Variants in RORA observed in about 807,000 individuals in gnomAD.
RORA encodes RAR related orphan receptor A.
A neutral mutation model predicts 69.5 loss-of-function variants in RORA; 7 were observed. The ratio of observed to expected loss-of-function variants is 0.10; its 90% CI spans 0.06 to 0.19. RORA has a LOEUF of 0.19. RORA is among the 10% of genes least tolerant of loss of function. The pLI is 1.00. For missense variants in RORA, 457 were observed against 663.0 expected (o/e 0.69, Z 3.41); for synonymous variants, 261 against 240.8 (o/e 1.08, Z -0.78).
intron 1 of RORA, among the ~76,000 whole-genome samples, chr15:60,786,834 G>A (rs2072341347): frequency 6.6e-6 from 1 of 152,254 alleles, no homozygotes; most frequent in African/African-American, 2.4e-5. Context: ...AGCAACAGCT[G>A]TGCGAGTGCA....
chr15:60,823,063 C>T (rs1395185516), intron 1 of RORA, among the ~76,000 whole-genome samples: 1 of 139,668 alleles, frequency 7.2e-6, no homozygotes, highest in African/African-American at 2.7e-5. Flanking sequence ...CCTCCCCTCC[C>T]CTCCCTCCCT....
chr15:61,023,862 A>T (rs1895664038), intron 1 of RORA, among the ~76,000 whole-genome samples: 1 of 152,194 alleles, frequency 6.6e-6, no homozygotes, highest in Non-Finnish European at 1.5e-5. Flanking sequence ...ATCAGTAGAT[A>T]ACTCCCACTA....
At chr15:60,514,821 C>A in intron 3 of RORA, 64 bp from the exon 4 acceptor site, 2 of 1,333,712 alleles carry the variant, frequency 1.5e-6, no homozygotes, top group Non-Finnish European at 1.1e-6. Flanking sequence ...ATACTAAAGG[C>A]AGGATGCTAA....
chr15:60,769,040 T>C (rs2072031554), intron 1 of RORA, among the ~76,000 whole-genome samples: 1 of 152,192 alleles, frequency 6.6e-6, no homozygotes, highest in Non-Finnish European at 1.5e-5. Context: ...AGGCAACTAA[T>C]GCCCTATTCA....
Position 60,991,906 on chromosome 15 carries a change from AAAAAT to A in RORA, c.166+237142_166+237146del, listed in dbSNP as rs60034207. 1.7e-4 allele frequency among the ~76,000 whole-genome samples: 25 copies of A among 148,140 alleles called. No individual in the cohort carries two copies. The South Asian group carries it at 2.0e-3, about 12-fold the overall frequency. On this transcript the variant is annotated intron_variant, in intron 1 of 10. Coordinates refer to ENST00000335670, the MANE Select transcript of RORA (RefSeq NM_134261.3). ...GCGTGACAGAGCGAGACCGTGCCTC[AAAAAT>A]AAAATAAAATAAAATAAAATAAAGT...
chr15:61,207,769 C>T (rs1363273690), intron 1 of RORA, among the ~76,000 whole-genome samples: 3 of 152,218 alleles, frequency 2.0e-5, no homozygotes, highest in African/African-American at 7.2e-5. Context: ...CAGCCAGTGT[C>T]CTTAACTCTT....
intron 2 of RORA, among the ~76,000 whole-genome samples, chr15:60,572,883 C>G (rs942057137): frequency 4.6e-5 from 7 of 152,170 alleles, no homozygotes; most frequent in Admixed American, 6.5e-5. Context: ...ACTAAATTAC[C>G]AAGCATATCT....
Position 60,505,870 on chromosome 15 carries a change from C to T in RORA, c.821-241G>A, listed in dbSNP as rs564125056. On this transcript the variant is annotated intron_variant, in intron 5 of 10. Coordinates refer to ENST00000335670, the MANE Select transcript of RORA (RefSeq NM_134261.3). ...CTGCTGACTTCAAAGACCCTCCTGA[C>T]TTTGCCCTTGTTCTGTGCCTTTATA... is the stretch of plus-strand genomic sequence containing the variant. Among the ~76,000 whole-genome samples, 47 of 152,278 alleles carry T rather than the reference C, an allele frequency of 3.1e-4. No homozygotes were observed. In the South Asian group the frequency reaches 9.5e-3, roughly 31 times the overall value.
intron 1 of RORA, among the ~76,000 whole-genome samples, chr15:60,830,084 T>C (rs1378391223): frequency 6.6e-6 from 1 of 152,270 alleles, no homozygotes; most frequent in Non-Finnish European, 1.5e-5. Context: ...TCATACCATT[T>C]GTCTTGGATT....
chr15:60,722,937 C>A (rs1044944850), intron 1 of RORA, among the ~76,000 whole-genome samples: 3 of 152,164 alleles, frequency 2.0e-5, no homozygotes, highest in African/African-American at 7.2e-5. Flanking sequence ...AGTAATCCTG[C>A]AGGTGAGCAT....
At chr15:60,726,244 C>T (rs1320339647) in intron 1 of RORA, among the ~76,000 whole-genome samples, 10 of 152,136 alleles carry the variant, frequency 6.6e-5, no homozygotes, top group African/African-American at 2.4e-4. Flanking sequence ...CAGAATCCCC[C>T]TTTAAGCTCA....
intron 1 of RORA, among the ~76,000 whole-genome samples, chr15:60,734,529 C>T (rs1189174372): frequency 1.3e-5 from 2 of 152,174 alleles, no homozygotes; most frequent in East Asian, 1.9e-4. Context: ...AGACAAGACA[C>T]GTTTTTGAGT....
At chr15:60,952,605 A>G (rs1893142883) in intron 1 of RORA, among the ~76,000 whole-genome samples, 1 of 152,212 alleles carries the variant, frequency 6.6e-6, no homozygotes, top group Non-Finnish European at 1.5e-5. Flanking sequence ...TCAGGATACA[A>G]AATCACTGTA....
chr15:60,732,702 A>AC (rs772713079), intron 1 of RORA, among the ~76,000 whole-genome samples: 2 of 151,720 alleles, frequency 1.3e-5, no homozygotes, highest in Non-Finnish European at 2.9e-5. Context: ...GTGTACACAC[A>AC]CCCCCCTTTA....
At chr15:60,853,028 AC>A (rs1419025557) in intron 1 of RORA, among the ~76,000 whole-genome samples, 1 of 151,972 alleles carries the variant, frequency 6.6e-6, no homozygotes, top group East Asian at 1.9e-4. Context: ...ATTAGTAATG[AC>A]CCCCAGCTTG....
intron 2 of RORA, among the ~76,000 whole-genome samples, chr15:60,550,217 G>A (rs1266077766): frequency 6.6e-6 from 1 of 152,202 alleles, no homozygotes; most frequent in Non-Finnish European, 1.5e-5. Context: ...TTGAACCTGG[G>A]GGATGGAGGT....
chr15:60,875,756 G>A (rs2073606500), intron 1 of RORA, among the ~76,000 whole-genome samples: 1 of 152,096 alleles, frequency 6.6e-6, no homozygotes, highest in Non-Finnish European at 1.5e-5. Context: ...GTCATTCTGG[G>A]AATAAATTCT....
At chr15:60,539,774 C>T (rs866301107) in intron 2 of RORA, among the ~76,000 whole-genome samples, 6 of 151,724 alleles carry the variant, frequency 4.0e-5, no homozygotes, top group Admixed American at 2.6e-4. Flanking sequence ...AACAACAGAA[C>T]GTATTTGTTG....
Position 60,503,542 on chromosome 15 carries a change from T to C in RORA, c.1068A>G (p.Leu356=), listed in dbSNP as rs144666853. ...ELCQNDQIVL[L]KAGSLEVVFI... ...CACTTGCAAAGCACATACCTGCTTTTAGAAGCACAATTTGATCATTTTGAC... is the reference window on the plus strand; with the variant it reads ...CACTTGCAAAGCACATACCTGCTTTCAGAAGCACAATTTGATCATTTTGAC... Residue 356 remains leucine (L), a synonymous_variant, in exon 7 of 11, where the codon CTA becomes CTG. Coordinates refer to ENST00000335670, the MANE Select transcript of RORA (RefSeq NM_134261.3). The C allele has an allele frequency of 4.7e-5, 76 of 1,614,118 alleles. No individual in the cohort carries two copies. The highest frequency in any genetic ancestry group is 6.1e-5 in the Non-Finnish European group (72 of 1,179,988).
Sources: gnomAD v4.1 joint callset for allele counts (sites outside exome capture counted in the v4.1 genomes callset) on GRCh38, gnomAD v4.1.1 for gene constraint, MANE v1.5 for transcripts, NCBI Gene and HGNC (gene_info 2026-07-23, HGNC 2026-07-21) for gene names.